The following CNIH3 variants were observed in gnomAD, a reference collection of about 807,000 sequenced individuals.
CNIH3 encodes protein cornichon homolog 3.
Under a neutral mutation model 24.1 loss-of-function variants are expected in CNIH3, and 14 were observed. That is an observed-to-expected ratio of 0.58 (90% CI 0.38 to 0.91). The LOEUF is 0.91. Among genes scored for constraint, CNIH3 ranks in the 40% least tolerant of loss-of-function variants. CNIH3 has a pLI of 0.00. For missense variants in CNIH3, 178 were observed against 196.8 expected (o/e 0.90, Z 0.57); for synonymous variants, 68 against 73.8 (o/e 0.92, Z 0.40).
intron 4 of CNIH3, among the ~76,000 whole-genome samples, chr1:224,571,361 C>T (rs1680808038): frequency 6.6e-6 from 1 of 152,064 alleles, no homozygotes; most frequent in Non-Finnish European, 1.5e-5. Flanking sequence ...GGAGGTGGCA[C>T]AGCAAAACAT....
chr1:224,436,956 C>T (rs1674695798), intron 1 of CNIH3: 1 of 152,264 alleles, frequency 6.6e-6, no homozygotes, highest in Non-Finnish European at 1.5e-5. Context: ...CTTTTCTTCA[C>T]CTGTCTGATG....
At chr1:224,518,852 T>G (rs1678504202) in intron 1 of CNIH3, among the ~76,000 whole-genome samples, 1 of 152,164 alleles carries the variant, frequency 6.6e-6, no homozygotes. Context: ...TAGTCCTCCT[T>G]TTGCTTCATA....
At chr1:224,536,201 A>G (rs1679274562) in intron 2 of CNIH3, among the ~76,000 whole-genome samples, 1 of 152,002 alleles carries the variant, frequency 6.6e-6, no homozygotes, top group South Asian at 2.1e-4. Context: ...TGCCTAGTAG[A>G]AAAAGTCTCC....
chr1:224,735,598 T>C (rs1231716960), intron 5 of CNIH3, among the ~76,000 whole-genome samples: 2 of 152,216 alleles, frequency 1.3e-5, no homozygotes, highest in Admixed American at 6.5e-5. Flanking sequence ...TAGGTTTGGA[T>C]TGGGCTGTGG....
intron 1 of CNIH3, among the ~76,000 whole-genome samples, chr1:224,516,564 A>G (rs1211415727): frequency 6.6e-6 from 1 of 152,206 alleles, no homozygotes; most frequent in Non-Finnish European, 1.5e-5. Context: ...AAGGGCTGCC[A>G]TGAAGAGTCA....
intron 3 of CNIH3, among the ~76,000 whole-genome samples, chr1:224,708,763 C>T (rs1687966868): frequency 6.6e-6 from 1 of 152,182 alleles, no homozygotes; most frequent in Non-Finnish European, 1.5e-5. Context: ...TCCTTTTTCT[C>T]TCCTCCTTTC....
intron 4 of CNIH3, among the ~76,000 whole-genome samples, chr1:224,731,499 A>T (rs1011020449): frequency 6.6e-6 from 1 of 152,252 alleles, no homozygotes; most frequent in African/African-American, 2.4e-5. Flanking sequence ...CTTTGCTGCC[A>T]GAGCATTGGA....
intron 3 of CNIH3, among the ~76,000 whole-genome samples, chr1:224,708,073 C>G (rs1363808072): frequency 6.6e-6 from 1 of 152,124 alleles, no homozygotes; most frequent in Non-Finnish European, 1.5e-5. Flanking sequence ...CTCTGGTTTT[C>G]CCTACCTTCC....
At chr1:224,694,917 C>T (rs6695579) in intron 3 of CNIH3, among the ~76,000 whole-genome samples, 9,318 of 151,712 alleles carry the variant, frequency 0.061, 362 homozygotes, top group East Asian at 0.14. Context: ...AATGATATAA[C>T]GGGCTTTGGG....
intron 1 of CNIH3, among the ~76,000 whole-genome samples, chr1:224,658,910 A>G (rs540470611): frequency 6.6e-5 from 10 of 152,256 alleles, no homozygotes; most frequent in Non-Finnish European, 1.5e-4. Flanking sequence ...TGACGTTTAC[A>G]TAAACCTTTC....
At chr1:224,733,796 TGTGGCCAG>T (rs1210710744) in intron 4 of CNIH3, among the ~76,000 whole-genome samples, 66 of 152,278 alleles carry the variant, frequency 4.3e-4, no homozygotes, top group African/African-American at 1.6e-3. Context: ...GGCAGGAGGC[TGTGGCCAG>T]GTCCCTGGGG....
intron 1 of CNIH3, among the ~76,000 whole-genome samples, chr1:224,510,189 G>A (rs1017290608): frequency 1.3e-5 from 2 of 152,130 alleles, no homozygotes; most frequent in Admixed American, 6.5e-5. Context: ...AACTGCCCCC[G>A]TGAGAGGCTC....
Position 224,645,481 on chromosome 1 carries a change from G to A in CNIH3, c.81+28226G>A, listed in dbSNP as rs182854876. ...GTGCTGTGGAAGATGCTGAGCCAGC[G>A]GTGCCGAGCGTTTCCAGCCCTCTGA... On this transcript the variant is annotated intron_variant, in intron 1 of 5. Coordinates refer to ENST00000272133, the MANE Select transcript of CNIH3 (RefSeq NM_152495.2). Among the ~76,000 whole-genome samples, 326 of 152,370 alleles carry A rather than the reference G, an allele frequency of 2.1e-3. 1 individual carries two copies. Among genetic ancestry groups the A allele is most frequent in the African/African-American group, 7.1e-3 (297 of 41,586 alleles).
At chr1:224,673,394 C>G (rs1257924024) in intron 1 of CNIH3, among the ~76,000 whole-genome samples, 1 of 152,194 alleles carries the variant, frequency 6.6e-6, no homozygotes, top group Non-Finnish European at 1.5e-5. Context: ...CCCCTGCTGT[C>G]TGTCTCACTC....
At chr1:224,464,224 A>G (rs1676063413) in intron 1 of CNIH3, among the ~76,000 whole-genome samples, 1 of 152,196 alleles carries the variant, frequency 6.6e-6, no homozygotes, top group African/African-American at 2.4e-5. Flanking sequence ...CCAAGGCCAC[A>G]AAATTTTTCT....
intron 2 of CNIH3, among the ~76,000 whole-genome samples, chr1:224,533,214 G>A (rs1012692575): frequency 1.3e-5 from 2 of 150,798 alleles, no homozygotes; most frequent in African/African-American, 4.9e-5. Flanking sequence ...AGAGACACCA[G>A]CATAGGAAAC....
chr1:224,612,368 A>AG (rs1485800437), upstream of CNIH3, among the ~76,000 whole-genome samples: 1 of 151,968 alleles, frequency 6.6e-6, no homozygotes, highest in Non-Finnish European at 1.5e-5. This position sits in a 1 kb window ranked among gnomAD's most constrained non-coding sequence, Gnocchi z 4.7. Context: ...GTATGCTTTT[A>AG]GGGGCATTTC....
At chr1:224,455,397 G>A (rs1352593711) in intron 1 of CNIH3, among the ~76,000 whole-genome samples, 1 of 152,202 alleles carries the variant, frequency 6.6e-6, no homozygotes, top group Non-Finnish European at 1.5e-5. Flanking sequence ...AGTGAAGTCT[G>A]TCTTGGCCTT....
intron 1 of CNIH3, among the ~76,000 whole-genome samples, chr1:224,478,956 G>A (rs145246342): frequency 2.4e-3 from 362 of 152,066 alleles, no homozygotes; most frequent in African/African-American, 8.2e-3. Flanking sequence ...CACAAGAACG[G>A]CATGGGAAAG....
Sources: allele counts gnomAD v4.1 joint callset (sites outside exome capture counted in the v4.1 genomes callset), GRCh38; gene constraint gnomAD v4.1.1; non-coding constraint Gnocchi (gnomAD v3.1); transcripts MANE v1.5; gene names NCBI Gene and HGNC (gene_info 2026-07-23, HGNC 2026-07-21).